The following GALNTL6 variants were observed in gnomAD, a reference collection of about 807,000 sequenced individuals.
GALNTL6 encodes polypeptide N-acetylgalactosaminyltransferase-like 6.
GALNTL6 carries 46 observed loss-of-function variants against 73.7 expected under a neutral mutation model. That is an observed-to-expected ratio of 0.62 (90% CI 0.49 to 0.80). GALNTL6 has a LOEUF of 0.80. GALNTL6 is among the 30% of genes least tolerant of loss of function. The probability of loss-of-function intolerance (pLI) is 0.00; values close to 1 mark genes in which losing one functional copy is unlikely to be tolerated. For missense variants in GALNTL6, 604 were observed against 755.0 expected (o/e 0.80, Z 2.34); for synonymous variants, 259 against 263.7 (o/e 0.98, Z 0.17).
At chr4:172,890,576 T>A (rs1273286112) in intron 8 of GALNTL6, among the ~76,000 whole-genome samples, 1 of 152,202 alleles carries the variant, frequency 6.6e-6, no homozygotes, top group Non-Finnish European at 1.5e-5. Context: ...TGAATTTGAT[T>A]TTTTTGAATT....
At chr4:172,191,645 T>C (rs1335628900) in intron 2 of GALNTL6, among the ~76,000 whole-genome samples, 1 of 152,222 alleles carries the variant, frequency 6.6e-6, no homozygotes, top group East Asian at 1.9e-4. Flanking sequence ...ACACAGACTT[T>C]CAAATTTTGG....
At chr4:172,654,692 G>A (rs921500927) in intron 5 of GALNTL6, among the ~76,000 whole-genome samples, 1 of 152,160 alleles carries the variant, frequency 6.6e-6, no homozygotes, top group African/African-American at 2.4e-5. Context: ...AGCCAACCAT[G>A]TCAAGCAATG....
intron 2 of GALNTL6, among the ~76,000 whole-genome samples, chr4:171,946,724 G>C (rs561341111): frequency 3.8e-4 from 58 of 152,232 alleles, no homozygotes; most frequent in Admixed American, 3.3e-3. Flanking sequence ...GAGTAGAATG[G>C]GACACTTGTG....
chr4:172,681,979 G>A (rs1470476062), intron 5 of GALNTL6, among the ~76,000 whole-genome samples: 1 of 152,136 alleles, frequency 6.6e-6, no homozygotes, highest in African/African-American at 2.4e-5. Context: ...CTCTGTTTAT[G>A]TCCTGAAGAG....
At chr4:171,856,812 A>G (rs971899347) in intron 2 of GALNTL6, among the ~76,000 whole-genome samples, 13 of 152,158 alleles carry the variant, frequency 8.5e-5, no homozygotes, top group African/African-American at 2.9e-4. Flanking sequence ...ATCTATTGTC[A>G]ATGCAATTGT....
intron 7 of GALNTL6, among the ~76,000 whole-genome samples, chr4:172,867,607 C>T (rs955699554): frequency 9.9e-5 from 15 of 152,184 alleles, no homozygotes; most frequent in Admixed American, 5.9e-4. Context: ...GCAAAGGAGA[C>T]GAAGGTGCAC....
Position 173,021,406 on chromosome 4 carries a change from T to A in GALNTL6, c.1489-70T>A, listed in dbSNP as rs981414054. 3 of 1,494,608 alleles carry A rather than the reference T, an allele frequency of 2.0e-6. No individual in the cohort carries two copies. In the African/African-American group the frequency reaches 4.1e-5, roughly 21 times the overall value. 92.6% of individuals were successfully genotyped at this position (1,494,608 alleles called of 1,614,324 possible). A position where few individuals can be genotyped will look rare whatever the true frequency, so the allele number is the denominator to read the frequency against. On this transcript the variant is annotated intron_variant, in intron 11 of 12. Coordinates refer to ENST00000506823, the MANE Select transcript of GALNTL6 (RefSeq NM_001034845.3). ...GTTCTACATTGCTAAAAGACATACC[T>A]TCCCCCGCCCTTGCATCTTCTCTCC...
intron 5 of GALNTL6, among the ~76,000 whole-genome samples, chr4:172,644,641 G>A (rs775327334): frequency 2.0e-5 from 3 of 151,824 alleles, no homozygotes; most frequent in African/African-American, 4.8e-5. Flanking sequence ...ATTGATAAAT[G>A]TTTGGGTTGA....
At chr4:171,969,421 G>A (rs965784043) in intron 2 of GALNTL6, among the ~76,000 whole-genome samples, 11 of 152,322 alleles carry the variant, frequency 7.2e-5, no homozygotes, top group Admixed American at 6.5e-5. Context: ...AGCATTATCC[G>A]TGTCCTCTAT....
At chr4:171,858,263 TAAA>T (rs1735742776) in intron 2 of GALNTL6, among the ~76,000 whole-genome samples, 2 of 152,132 alleles carry the variant, frequency 1.3e-5, no homozygotes, top group South Asian at 2.1e-4. Context: ...ACTGAAATAA[TAAA>T]AACATATTAT....
chr4:172,797,109 A>G (rs1360661049), intron 5 of GALNTL6, among the ~76,000 whole-genome samples: 1 of 152,254 alleles, frequency 6.6e-6, no homozygotes, highest in Non-Finnish European at 1.5e-5. Flanking sequence ...GAAAAATAAT[A>G]CGGCCATTAG....
intron 5 of GALNTL6, among the ~76,000 whole-genome samples, chr4:172,640,981 A>G (rs1390561804): frequency 6.6e-6 from 1 of 151,856 alleles, no homozygotes; most frequent in Non-Finnish European, 1.5e-5. Context: ...GGTCTCAGTA[A>G]CTCCATTTTA....
At chr4:171,980,526 C>G (rs1024214590) in intron 2 of GALNTL6, among the ~76,000 whole-genome samples, 1 of 152,204 alleles carries the variant, frequency 6.6e-6, no homozygotes, top group African/African-American at 2.4e-5. Flanking sequence ...AAATCCACAT[C>G]TACCCGCACC....
chr4:172,372,568 TG>T (rs1349861053), intron 5 of GALNTL6, among the ~76,000 whole-genome samples: 1 of 152,174 alleles, frequency 6.6e-6, no homozygotes, highest in African/African-American at 2.4e-5. Flanking sequence ...CCACTGGTTG[TG>T]GGGTTGTCAC....
At chr4:172,788,671 C>CAAAAAAA (rs36046571) in intron 5 of GALNTL6, among the ~76,000 whole-genome samples, 1 of 78,360 alleles carries the variant, frequency 1.3e-5, no homozygotes, top group Non-Finnish European at 2.4e-5. Flanking sequence ...GACTCCGTCT[C>CAAAAAAA]AAAAAAAAAA....
Position 171,988,567 on chromosome 4 carries a change from T to C in GALNTL6, c.138+173849T>C, listed in dbSNP as rs191135483. 9.1e-3 allele frequency among the ~76,000 whole-genome samples: 1,378 copies of C among 151,886 alleles called. 27 individuals are homozygous for C. The highest frequency in any genetic ancestry group is 0.031 in the African/African-American group (1,291 of 41,374). ...GAGGGAGGTATTGAGGATAGGAGAG[T>C]ATATGGGTTTGGCACCACGGGGTGG... On this transcript the variant is annotated intron_variant, in intron 2 of 12. Transcript: ENST00000506823.
intron 5 of GALNTL6, among the ~76,000 whole-genome samples, chr4:172,542,332 T>G (rs1172280481): frequency 6.6e-6 from 1 of 152,096 alleles, no homozygotes; most frequent in Non-Finnish European, 1.5e-5. Flanking sequence ...CTTCAAAATG[T>G]CTAGGCCCTA....
At chr4:172,398,936 A>G (rs1462489993) in intron 5 of GALNTL6, among the ~76,000 whole-genome samples, 1 of 152,086 alleles carries the variant, frequency 6.6e-6, no homozygotes, top group Non-Finnish European at 1.5e-5. Context: ...GCCCACCTCC[A>G]CAGAGACTCA....
chr4:172,388,508 T>C (rs1743552132), intron 5 of GALNTL6, among the ~76,000 whole-genome samples: 2 of 152,220 alleles, frequency 1.3e-5, no homozygotes, highest in South Asian at 4.1e-4. Flanking sequence ...AGAGTAACCT[T>C]GGTAAGGTAT....
Sources: allele counts gnomAD v4.1 joint callset (sites outside exome capture counted in the v4.1 genomes callset), GRCh38; gene constraint gnomAD v4.1.1; transcripts MANE v1.5; gene names NCBI Gene and HGNC (gene_info 2026-07-23, HGNC 2026-07-21).